Variants in CCDC7 observed in about 807,000 individuals in gnomAD.
CCDC7 encodes coiled-coil domain containing 7.
A neutral mutation model predicts 196.9 loss-of-function variants in CCDC7; 183 were observed. The ratio of observed to expected loss-of-function variants is 0.93; its 90% CI spans 0.82 to 1.05. The LOEUF (loss-of-function observed/expected upper bound fraction) is 1.05, where lower values mean the gene tolerates loss of function less well. Ranked by LOEUF, CCDC7 falls within the 50% of genes least tolerant of loss-of-function variation. CCDC7 has a pLI of 0.00. For missense variants in CCDC7, 1,540 were observed against 1,482.2 expected (o/e 1.04, Z -0.64); for synonymous variants, 525 against 484.6 (o/e 1.08, Z -1.10).
intron 20 of CCDC7, among the ~76,000 whole-genome samples, chr10:32,658,732 T>G (rs1201639704): frequency 6.6e-6 from 1 of 152,222 alleles, no homozygotes; most frequent in Non-Finnish European, 1.5e-5. Context: ...GAGGATATTA[T>G]GCTAAGTGAA....
chr10:32,728,905 A>G (rs748852951), exon 27 of CCDC7: 1 of 1,603,626 alleles, frequency 6.2e-7, no homozygotes, highest in South Asian at 1.1e-5. Context: ...GTAGTACCAA[A>G]TGAAAATGTG....
At chr10:32,788,623 C>G (rs760579571) in intron 29 of CCDC7, among the ~76,000 whole-genome samples, 2 of 152,074 alleles carry the variant, frequency 1.3e-5, no homozygotes, top group Non-Finnish European at 2.9e-5. Flanking sequence ...ATGGACCCAG[C>G]CTCTAGCTCC....
chr10:32,686,235 T>C (rs2076450224), intron 22 of CCDC7, among the ~76,000 whole-genome samples, 155 bp downstream of exon 23: 1 of 152,218 alleles, frequency 6.6e-6, no homozygotes, highest in Admixed American at 6.5e-5. Context: ...AGCTAGAGTA[T>C]TTATCACTTG....
At chr10:32,516,333 G>T (rs2047024855) in intron 9 of CCDC7, among the ~76,000 whole-genome samples, 1 of 151,720 alleles carries the variant, frequency 6.6e-6, no homozygotes, top group Non-Finnish European at 1.5e-5. Flanking sequence ...TGTTGTCCAG[G>T]CTGGAGTGCA....
intron 16 of CCDC7, among the ~76,000 whole-genome samples, chr10:32,579,411 T>G (rs1348693036): frequency 6.6e-6 from 1 of 152,194 alleles, no homozygotes; most frequent in African/African-American, 2.4e-5. Flanking sequence ...CAATAGATAA[T>G]TATCCAACTA....
At chr10:32,483,908 A>G (rs1402628884) in intron 8 of CCDC7, among the ~76,000 whole-genome samples, 2 of 152,258 alleles carry the variant, frequency 1.3e-5, no homozygotes, top group South Asian at 4.2e-4. Flanking sequence ...GCCTTGTAGT[A>G]TAGTTGGAAG....
At chr10:32,839,039 CATAA>C (rs1029729773) in intron 33 of CCDC7, among the ~76,000 whole-genome samples, 4 of 151,758 alleles carry the variant, frequency 2.6e-5, no homozygotes, top group African/African-American at 9.7e-5. Flanking sequence ...CTCCTTAAAA[CATAA>C]ATCTCACAGG....
chr10:32,786,860 G>A (rs2081971256), intron 29 of CCDC7, among the ~76,000 whole-genome samples: 1 of 152,036 alleles, frequency 6.6e-6, no homozygotes, highest in Non-Finnish European at 1.5e-5. Context: ...GAAAAACTTT[G>A]TAAAAAAAGT....
At chr10:32,636,475 G>A (rs914485353) in intron 20 of CCDC7, among the ~76,000 whole-genome samples, 3 of 152,028 alleles carry the variant, frequency 2.0e-5, no homozygotes, top group Non-Finnish European at 4.4e-5. Context: ...GAGAACATGC[G>A]GTGTTTGGTT....
chr10:32,670,034 C>T (rs965404961), intron 21 of CCDC7, among the ~76,000 whole-genome samples: 1 of 152,050 alleles, frequency 6.6e-6, no homozygotes, highest in Admixed American at 6.6e-5. Context: ...TCGCTTGGGG[C>T]ACGTTTGTAA....
At chr10:32,669,538 A>T (rs2073618970) in intron 21 of CCDC7, among the ~76,000 whole-genome samples, 1 of 152,094 alleles carries the variant, frequency 6.6e-6, no homozygotes, top group Non-Finnish European at 1.5e-5. Context: ...AGAATAGTTT[A>T]TATTAGTGAT....
rs1480626457 is a variant in CCDC7, at chr10:32,455,776, T to C, written c.373-475T>C. 2.0e-5 allele frequency among the ~76,000 whole-genome samples: 3 copies of C among 152,372 alleles called. No homozygotes were observed. In the East Asian group the frequency reaches 5.8e-4, roughly 29 times the overall value. ...TAGAAGGGATTTGATCGTTATGACATTTAAGCTGTAACTATTTTTTCCTCA... is the reference window on the plus strand; with the variant it reads ...TAGAAGGGATTTGATCGTTATGACACTTAAGCTGTAACTATTTTTTCCTCA... On this transcript the variant is annotated intron_variant, in intron 2 of 41. Coordinates refer to ENST00000639629, the Ensembl canonical transcript of CCDC7.
chr10:32,692,439 G>A (rs1186372935), intron 23 of CCDC7, among the ~76,000 whole-genome samples: 1 of 152,180 alleles, frequency 6.6e-6, no homozygotes, highest in African/African-American at 2.4e-5. Context: ...AAACCGCATG[G>A]TGTCTGCTGG....
At chr10:32,752,944 C>T (rs771411980) in intron 28 of CCDC7, among the ~76,000 whole-genome samples, 1 of 152,046 alleles carries the variant, frequency 6.6e-6, no homozygotes, top group Non-Finnish European at 1.5e-5. Flanking sequence ...CTGACTTGTT[C>T]ACATGTGCTA....
At chr10:32,778,855 G>A (rs1159811033) in intron 28 of CCDC7, 122 bp from the exon 30 acceptor site, 2 of 659,094 alleles carry the variant, frequency 3.0e-6, no homozygotes, top group Non-Finnish European at 5.2e-6. Context: ...GATTTCTTTT[G>A]CAGTGTTTTT....
At chr10:32,763,256 T>A (rs1168686717) in intron 28 of CCDC7, among the ~76,000 whole-genome samples, 1 of 151,898 alleles carries the variant, frequency 6.6e-6, no homozygotes, top group South Asian at 2.1e-4. Flanking sequence ...AACAGGCATA[T>A]GAAAAGATGC....
intron 28 of CCDC7, among the ~76,000 whole-genome samples, chr10:32,734,097 T>C (rs1018761036): frequency 1.3e-5 from 2 of 152,142 alleles, no homozygotes; most frequent in African/African-American, 4.8e-5. Context: ...CAGAGGAATA[T>C]AAATTATTCT....
At chr10:32,551,830 C>G (rs1453301769) in intron 13 of CCDC7, among the ~76,000 whole-genome samples, 2 of 152,172 alleles carry the variant, frequency 1.3e-5, no homozygotes, top group East Asian at 3.9e-4. Flanking sequence ...ATGGTCTATC[C>G]TGGAGAAAGT....
At chr10:32,851,985 C>T in intron 40 of CCDC7, 53 bp downstream of exon 41, 1 of 1,505,732 alleles carries the variant, frequency 6.6e-7, no homozygotes, top group Non-Finnish European at 8.9e-7. Flanking sequence ...AAAGCTATAA[C>T]TAAATGTAAA....
Sources: gnomAD v4.1 joint callset for allele counts (sites outside exome capture counted in the v4.1 genomes callset) on GRCh38, gnomAD v4.1.1 for gene constraint, MANE v1.5 for transcripts, NCBI Gene and HGNC (gene_info 2026-07-23, HGNC 2026-07-21) for gene names.